The following MALRD1 variants were observed in gnomAD, a reference collection of about 807,000 sequenced individuals.
MALRD1 encodes the protein MAM and LDL-receptor class A domain-containing protein 1.
In MALRD1, 247 loss-of-function variants were observed where a neutral mutation model predicts 242.1. The observed-to-expected ratio is 1.02, with a 90% CI of 0.92 to 1.13. The LOEUF is 1.13. MALRD1 is among the 50% of genes most tolerant of loss of function. The probability of loss-of-function intolerance (pLI) is 0.00; values close to 1 mark genes in which losing one functional copy is unlikely to be tolerated. For missense variants in MALRD1, 2,989 were observed against 2,533.1 expected, an observed-to-expected ratio of 1.18 and a Z score of -3.86; for synonymous variants, 995 against 866.6, an observed-to-expected ratio of 1.15 and a Z score of -2.60.
chr10:19,384,450 TATATA>T (rs1426920293), intron 26 of MALRD1, among the ~76,000 whole-genome samples: 10 of 117,046 alleles, frequency 8.5e-5, no homozygotes, highest in African/African-American at 3.1e-4. Context: ...TTATATAGTA[TATATA>T]ATATAATATA....
intron 36 of MALRD1, among the ~76,000 whole-genome samples, chr10:19,653,300 G>T (rs975085799): frequency 6.6e-6 from 1 of 151,980 alleles, no homozygotes; most frequent in Non-Finnish European, 1.5e-5. Flanking sequence ...GGGCTCAGGT[G>T]ATCATCGCAC....
chr10:19,689,896 A>G (rs1842749089), intron 36 of MALRD1, among the ~76,000 whole-genome samples: 1 of 152,108 alleles, frequency 6.6e-6, no homozygotes, highest in Non-Finnish European at 1.5e-5. Flanking sequence ...TACTGACTAA[A>G]ATTTTTGGAA....
At chr10:19,590,248 GATAT>G (rs1451594029) in intron 33 of MALRD1, among the ~76,000 whole-genome samples, 1 of 147,698 alleles carries the variant, frequency 6.8e-6, no homozygotes, top group South Asian at 2.1e-4. Context: ...TATTGGTGGT[GATAT>G]ATATATAATA....
intron 32 of MALRD1, among the ~76,000 whole-genome samples, chr10:19,534,610 C>A (rs955323248): frequency 6.6e-6 from 1 of 151,928 alleles, no homozygotes; most frequent in South Asian, 2.1e-4. Flanking sequence ...AAAACAAGTC[C>A]TTTTTCCCCC....
At chr10:19,716,397 C>T (rs1834390374) in intron 38 of MALRD1, among the ~76,000 whole-genome samples, 1 of 152,134 alleles carries the variant, frequency 6.6e-6, no homozygotes, top group Non-Finnish European at 1.5e-5. Flanking sequence ...TTGTTTAAAA[C>T]TGTGTGGCAC....
At chr10:19,719,244 A>ATATATG (rs1554830474) in intron 38 of MALRD1, among the ~76,000 whole-genome samples, 2,387 of 96,902 alleles carry the variant, frequency 0.025, 281 homozygotes, top group Admixed American at 0.12. Flanking sequence ...ATATATATAT[A>ATATATG]TATATATATA....
chr10:19,139,579 G>A (rs1204514304), intron 10 of MALRD1, among the ~76,000 whole-genome samples: 1 of 152,192 alleles, frequency 6.6e-6, no homozygotes, highest in African/African-American at 2.4e-5. Flanking sequence ...TCCACAGCCA[G>A]TGTGCTTTTC....
chr10:19,300,930 G>A (rs904723566), intron 21 of MALRD1, among the ~76,000 whole-genome samples: 5 of 151,990 alleles, frequency 3.3e-5, no homozygotes, highest in African/African-American at 1.2e-4. Context: ...AAAATCTATA[G>A]AATGGGAGAA....
At chr10:19,375,699 A>C (rs868640898) in intron 26 of MALRD1, among the ~76,000 whole-genome samples, 12 of 152,222 alleles carry the variant, frequency 7.9e-5, no homozygotes, top group South Asian at 4.1e-4. Flanking sequence ...AGAGAGACCA[A>C]TTACTTCCTT....
At chr10:19,285,189 C>A (rs2131896852) in intron 21 of MALRD1, among the ~76,000 whole-genome samples, 1 of 144,050 alleles carries the variant, frequency 6.9e-6, no homozygotes, top group East Asian at 2.1e-4. Context: ...AAATTTTCTC[C>A]CATTTTGTAG....
intron 26 of MALRD1, among the ~76,000 whole-genome samples, chr10:19,365,125 T>C (rs1027259194): frequency 2.6e-5 from 4 of 152,062 alleles, no homozygotes; most frequent in African/African-American, 9.7e-5. Context: ...ATACATGTTT[T>C]CTCTATGAAA....
chr10:19,399,119 G>A (rs199640407), intron 28 of MALRD1, among the ~76,000 whole-genome samples: 3 of 151,780 alleles, frequency 2.0e-5, no homozygotes, highest in South Asian at 4.1e-4. Flanking sequence ...ATTGTGGCTT[G>A]TCTAGTTTAA....
intron 14 of MALRD1, among the ~76,000 whole-genome samples, chr10:19,188,195 G>C (rs1835818851): frequency 6.6e-6 from 1 of 152,074 alleles, no homozygotes; most frequent in Admixed American, 6.5e-5. Flanking sequence ...GAGATAGAAG[G>C]GGGTTATTGA....
At chr10:19,378,134 G>T (rs907670590) in intron 26 of MALRD1, among the ~76,000 whole-genome samples, 1 of 151,988 alleles carries the variant, frequency 6.6e-6, no homozygotes, top group Non-Finnish European at 1.5e-5. Context: ...CTTCTAGAGG[G>T]CCAGTATTAG....
Position 19,305,902 on chromosome 10 carries a change from C to A in MALRD1, c.3420-18047C>A, listed in dbSNP as rs534447562. On this transcript the variant is annotated intron_variant, in intron 21 of 39. Coordinates refer to ENST00000454679, the MANE Select transcript of MALRD1 (RefSeq NM_001142308.3). ...ATATATATAATATATATTATATATA[C>A]TATATACTATATTATATATTATATG... Among the ~76,000 whole-genome samples the A allele has an allele frequency of 9.8e-3, 1,224 of 125,408 alleles. 24 individuals are homozygous for A. The highest frequency in any genetic ancestry group is 0.036 in the African/African-American group (1,159 of 32,418). 82.3% of individuals were successfully genotyped at this position (125,408 alleles called of 152,430 possible). A position where few individuals can be genotyped will look rare whatever the true frequency, so the allele number is the denominator to read the frequency against.
At chr10:19,052,106 G>A in intron 1 of MALRD1, 2 of 455,110 alleles carry the variant, frequency 4.4e-6, no homozygotes, top group Admixed American at 5.2e-5. Flanking sequence ...TAGCAAAATG[G>A]CAGAATTCAT....
chr10:19,473,991 C>CTGTTT (rs1836614755), intron 29 of MALRD1, among the ~76,000 whole-genome samples: 1 of 152,090 alleles, frequency 6.6e-6, no homozygotes, highest in East Asian at 1.9e-4. Flanking sequence ...CACATATTTT[C>CTGTTT]TGTTTTGTTT....
intron 8 of MALRD1, among the ~76,000 whole-genome samples, chr10:19,131,920 G>A (rs1174059850): frequency 2.0e-5 from 3 of 152,250 alleles, no homozygotes; most frequent in African/African-American, 7.2e-5. Flanking sequence ...CTAGAAAGTG[G>A]AAGAGTAAGA....
chr10:19,429,481 G>A (rs1049794954), intron 28 of MALRD1, among the ~76,000 whole-genome samples: 3 of 152,080 alleles, frequency 2.0e-5, no homozygotes, highest in South Asian at 2.1e-4. Context: ...GGAGGATCAC[G>A]TGAACCCGGG....
Sources: allele counts gnomAD v4.1 joint callset (sites outside exome capture counted in the v4.1 genomes callset), GRCh38; gene constraint gnomAD v4.1.1; transcripts MANE v1.5; gene names NCBI Gene and HGNC (gene_info 2026-07-23, HGNC 2026-07-21).